Variants in PPP3CC observed in about 807,000 individuals in gnomAD.
PPP3CC encodes the protein serine/threonine-protein phosphatase 2B catalytic subunit gamma isoform.
PPP3CC carries 35 observed loss-of-function variants against 60.3 expected under a neutral mutation model. The observed-to-expected ratio is 0.58, with a 90% CI of 0.44 to 0.77. PPP3CC has a LOEUF of 0.77. Among genes scored for constraint, PPP3CC ranks in the 30% least tolerant of loss-of-function variants. PPP3CC has a pLI of 0.00. For synonymous variants in PPP3CC, 206 were observed against 224.3 expected, an observed-to-expected ratio of 0.92 and a Z score of 0.73; for missense variants, 570 against 628.9, an observed-to-expected ratio of 0.91 and a Z score of 1.00.
intron 3 of PPP3CC, among the ~76,000 whole-genome samples, chr8:22,483,158 T>C (rs1470154673): frequency 6.6e-6 from 1 of 152,248 alleles, no homozygotes; most frequent in African/African-American, 2.4e-5. Context: ...AGAATGTCAA[T>C]ACTTTAAGAA....
chr8:22,494,586 G>C (rs1395582064), intron 3 of PPP3CC, among the ~76,000 whole-genome samples: 1 of 152,120 alleles, frequency 6.6e-6, no homozygotes, highest in Non-Finnish European at 1.5e-5. Context: ...TGTATTTGTG[G>C]ATATGCCTAT....
chr8:22,531,841 C>T (rs956865778), intron 10 of PPP3CC, among the ~76,000 whole-genome samples: 4 of 152,210 alleles, frequency 2.6e-5, no homozygotes, highest in Admixed American at 6.5e-5. Context: ...GAACCCTGCA[C>T]CCTAAGGTGG....
intron 1 of PPP3CC, among the ~76,000 whole-genome samples, chr8:22,470,714 C>T (rs574064606): frequency 3.9e-5 from 6 of 152,218 alleles, no homozygotes; most frequent in East Asian, 1.9e-4. Context: ...AAAGAGATAC[C>T]GGTAGACGTT....
chr8:22,535,680 TC>T (rs1839829719), intron 12 of PPP3CC, among the ~76,000 whole-genome samples: 1 of 151,924 alleles, frequency 6.6e-6, no homozygotes. Flanking sequence ...TTTATAGGAG[TC>T]CTTTTTCTTT....
intron 6 of PPP3CC, among the ~76,000 whole-genome samples, chr8:22,518,844 G>A (rs887870375): frequency 1.7e-4 from 26 of 151,966 alleles, no homozygotes; most frequent in Non-Finnish European, 2.8e-4. Context: ...GCACCATCAC[G>A]CCCAGCTAAT....
intron 4 of PPP3CC, among the ~76,000 whole-genome samples, chr8:22,498,660 A>G (rs959218490): frequency 6.6e-6 from 1 of 152,200 alleles, no homozygotes; most frequent in Non-Finnish European, 1.5e-5. Flanking sequence ...TTTCCATATC[A>G]TTAAGTATTT....
At chr8:22,467,270 A>G (rs994382876) in intron 1 of PPP3CC, among the ~76,000 whole-genome samples, 1 of 152,166 alleles carries the variant, frequency 6.6e-6, no homozygotes, top group Non-Finnish European at 1.5e-5. Context: ...AATTTTTACT[A>G]GTGCGTATAA....
At chr8:22,451,124 C>A (rs1413215476) in intron 1 of PPP3CC, among the ~76,000 whole-genome samples, 1 of 150,106 alleles carries the variant, frequency 6.7e-6, no homozygotes, top group Non-Finnish European at 1.5e-5. Flanking sequence ...CAGGCGTGAG[C>A]CACCGCACCC....
chr8:22,540,343 T>A lies in PPP3CC; in HGVS notation c.1352-272T>A, dbSNP rs527339057. Among the ~76,000 whole-genome samples the A allele has an allele frequency of 2.0e-5, 3 of 152,334 alleles. 1 individual carries two copies. The East Asian group carries it at 5.8e-4, about 29-fold the overall frequency. ...GCCCAGTAAGTACTTGTTAGCTTTTTGTTAGGTATATGTCTACCATGATTA... is the reference window on the plus strand; with the variant it reads ...GCCCAGTAAGTACTTGTTAGCTTTTAGTTAGGTATATGTCTACCATGATTA... On this transcript the variant is annotated intron_variant, in intron 13 of 13. Coordinates refer to ENST00000240139, the MANE Select transcript of PPP3CC (RefSeq NM_005605.5).
intron 12 of PPP3CC, among the ~76,000 whole-genome samples, chr8:22,536,300 C>T (rs1839843485): frequency 6.6e-6 from 1 of 152,150 alleles, no homozygotes; most frequent in Non-Finnish European, 1.5e-5. Flanking sequence ...CCGAGAGCAA[C>T]TCTGACAACA....
chr8:22,497,130 A>G (rs568344042), intron 3 of PPP3CC, among the ~76,000 whole-genome samples: 32 of 152,240 alleles, frequency 2.1e-4, no homozygotes, highest in Admixed American at 1.7e-3. Context: ...CCCGGGTTCA[A>G]GCGATTCTCA....
rs115239013 is a variant in PPP3CC at position 22,462,495 on chromosome 8, G to C, written c.50-12459G>C. 3.1e-3 allele frequency among the ~76,000 whole-genome samples: 472 copies of C among 152,190 alleles called. 3 individuals carry two copies. Among genetic ancestry groups the C allele is most frequent in the African/African-American group, 0.011 (447 of 41,520 alleles). ...ATTTCAAACTGTCGTTTGATGGGTT[G>C]TGAATGTTTATAAAGCTTTGATGGT... On this transcript the variant is annotated intron_variant, in intron 1 of 13. Coordinates refer to ENST00000240139, the MANE Select transcript of PPP3CC (RefSeq NM_005605.5).
In PPP3CC at chr8:22,527,440, A is replaced by G; in HGVS notation, c.992A>G (p.Asn331Ser). Residue 331 changes from asparagine (N) to serine (S), a missense_variant, in exon 9 of 14, where the codon AAC (asparagine) becomes AGC (serine). Asn to Ser is a conservative substitution (Grantham distance 46). Coordinates refer to ENST00000240139, the MANE Select transcript of PPP3CC (RefSeq NM_005605.5). ...AATGTCATGAATATCAGGCAGTTTAACTGTTCTCCACACCCCTACTGGCTT... is the reference window on the plus strand; with the variant it reads ...AATGTCATGAATATCAGGCAGTTTAGCTGTTCTCCACACCCCTACTGGCTT... ...ENNVMNIRQFNCSPHPYWLPN... is the reference protein window; with the variant it reads ...ENNVMNIRQFSCSPHPYWLPN... 1.2e-6 allele frequency: 2 copies of G among 1,613,320 alleles called. No homozygotes were observed. Among genetic ancestry groups the G allele is most frequent in the South Asian group, 2.2e-5 (2 of 91,046 alleles).
At chr8:22,501,643 G>A (rs2979302) in intron 4 of PPP3CC, among the ~76,000 whole-genome samples, 84,422 of 151,992 alleles carry the variant, frequency 0.56, 24,937 homozygotes, top group African/African-American at 0.77. Flanking sequence ...TTTCCAGGCC[G>A]GCCTGAATGC....
chr8:22,534,380 C>A (rs1032589820), intron 12 of PPP3CC, among the ~76,000 whole-genome samples: 2 of 151,368 alleles, frequency 1.3e-5, no homozygotes, highest in Admixed American at 1.3e-4. Flanking sequence ...TATGATTGTG[C>A]CACTGCACTC....
chr8:22,457,743 C>T (rs541309291), intron 1 of PPP3CC, among the ~76,000 whole-genome samples: 3 of 152,294 alleles, frequency 2.0e-5, no homozygotes, highest in South Asian at 2.1e-4. Flanking sequence ...TTGTTTTATG[C>T]GAATTCTACT....
At chr8:22,498,838 T>A (rs1261752444) in intron 4 of PPP3CC, among the ~76,000 whole-genome samples, 1 of 152,146 alleles carries the variant, frequency 6.6e-6, no homozygotes, top group Non-Finnish European at 1.5e-5. Flanking sequence ...AAAAGTAGAA[T>A]TATTGGCCGG....
chr8:22,508,883 TA>T (rs1306364513), intron 4 of PPP3CC, among the ~76,000 whole-genome samples: 1 of 152,208 alleles, frequency 6.6e-6, no homozygotes, highest in Non-Finnish European at 1.5e-5. Flanking sequence ...AAGCAGAGTA[TA>T]AGGATGTAAC....
chr8:22,443,508 G>A (rs1217525591), intron 1 of PPP3CC, among the ~76,000 whole-genome samples: 1 of 123,420 alleles, frequency 8.1e-6, no homozygotes, highest in East Asian at 2.6e-4. Flanking sequence ...GCAACAGAGT[G>A]AAACTCTCTC....
Sources: gnomAD v4.1 joint callset for allele counts (sites outside exome capture counted in the v4.1 genomes callset) on GRCh38, gnomAD v4.1.1 for gene constraint, MANE v1.5 for transcripts, NCBI Gene and HGNC (gene_info 2026-07-23, HGNC 2026-07-21) for gene names.